Variants in OSBPL1A observed in about 807,000 individuals in gnomAD.
OSBPL1A encodes the protein oxysterol binding protein like 1A.
In OSBPL1A, 80 loss-of-function variants were observed where a neutral mutation model predicts 137.1. The ratio of observed to expected loss-of-function variants is 0.58; its 90% CI spans 0.49 to 0.70. OSBPL1A has a LOEUF of 0.70. OSBPL1A is among the 30% of genes least tolerant of loss of function. The pLI, the probability that OSBPL1A is intolerant of heterozygous loss-of-function variation, is 0.00. For synonymous variants in OSBPL1A, 365 were observed against 389.7 expected, an observed-to-expected ratio of 0.94 and a Z score of 0.75; for missense variants, 970 against 1,129.4, an observed-to-expected ratio of 0.86 and a Z score of 2.02.
rs759089224 is a variant in OSBPL1A at position 24,311,983 on chromosome 18, C to T, written c.1092+1G>A. ...AGGTCAGGTTACATTTTCCTATTTA[C>T]CTCTAATGATTTCTTCAGGTCTGCA... On this transcript the variant is annotated splice_donor_variant, in intron 13 of 27. Coordinates refer to ENST00000319481, the MANE Select transcript of OSBPL1A (RefSeq NM_080597.4). LOFTEE classifies it high-confidence loss of function. 2 of 1,613,962 alleles carry T rather than the reference C, an allele frequency of 1.2e-6. No homozygotes were observed. Among genetic ancestry groups the T allele is most frequent in the African/African-American group, 1.3e-5 (1 of 75,040 alleles).
chr18:24,296,153 A>G (rs1472365446), intron 14 of OSBPL1A, among the ~76,000 whole-genome samples: 1 of 152,106 alleles, frequency 6.6e-6, no homozygotes, highest in Non-Finnish European at 1.5e-5. Flanking sequence ...ATATGTTTCC[A>G]TTTATTTGTG....
rs185192946 is a variant in OSBPL1A, at chr18:24,317,549, G to C, written c.733-149C>G. 939 of 673,964 alleles carry C rather than the reference G, an allele frequency of 1.4e-3. 1 individual carries two copies. Among genetic ancestry groups the C allele is most frequent in the Non-Finnish European group, 2.2e-3 (829 of 379,046 alleles). 41.7% of individuals were successfully genotyped at this position (673,964 alleles called of 1,614,324 possible). On this transcript the variant is annotated intron_variant, in intron 9 of 27. Transcript: ENST00000319481. ...AAAAAAATGATCAAACATGAACTTAGGTACTAAGTGCAGTAATGAAAACAT... is the reference window on the plus strand; with the variant it reads ...AAAAAAATGATCAAACATGAACTTACGTACTAAGTGCAGTAATGAAAACAT...
intron 15 of OSBPL1A, among the ~76,000 whole-genome samples, chr18:24,274,517 G>A (rs141492523): frequency 5.3e-4 from 80 of 152,288 alleles, no homozygotes; most frequent in African/African-American, 1.9e-3. Flanking sequence ...AAGAATGGGT[G>A]ACATCATCCA....
chr18:24,263,544 T>C (rs2089493492), intron 15 of OSBPL1A, among the ~76,000 whole-genome samples: 1 of 152,234 alleles, frequency 6.6e-6, no homozygotes, highest in Non-Finnish European at 1.5e-5. Context: ...CATGTATTTT[T>C]ACTTGGGTCC....
intron 7 of OSBPL1A, among the ~76,000 whole-genome samples, chr18:24,320,146 C>T (rs2146123991): frequency 6.6e-6 from 1 of 152,074 alleles, no homozygotes; most frequent in South Asian, 2.1e-4. Context: ...AAATACCAAA[C>T]ATCTGGTATG....
intron 15 of OSBPL1A, among the ~76,000 whole-genome samples, chr18:24,269,502 C>T (rs1599593134): frequency 6.6e-6 from 1 of 152,206 alleles, no homozygotes; most frequent in Admixed American, 6.5e-5. Flanking sequence ...TTTATGAAGA[C>T]AGACTGGTCT....
intron 15 of OSBPL1A, among the ~76,000 whole-genome samples, chr18:24,240,995 T>C (rs1013166090): frequency 2.6e-5 from 4 of 152,156 alleles, no homozygotes; most frequent in Admixed American, 6.6e-5. Context: ...ATCTGATCTT[T>C]GACAAACCTG....
At chr18:24,178,632 T>C (rs1209213488) in intron 20 of OSBPL1A, among the ~76,000 whole-genome samples, 1 of 152,160 alleles carries the variant, frequency 6.6e-6, no homozygotes, top group Non-Finnish European at 1.5e-5. Flanking sequence ...ACTTCATATA[T>C]GAGAAATTAT....
rs76580752 is a variant in OSBPL1A at position 24,386,172 on chromosome 18, G to T, written c.-2-8637C>A. Among the ~76,000 whole-genome samples, 1,146 of 152,188 alleles carry T rather than the reference G, an allele frequency of 7.5e-3. 16 individuals carry two copies. Among genetic ancestry groups the T allele is most frequent in the African/African-American group, 0.027 (1,109 of 41,520 alleles). On this transcript the variant is annotated intron_variant, in intron 1 of 27. Transcript: ENST00000319481. ...AGGATGGTAGGAGAGAAAAAAAATG[G>T]GTCACGGGGTCAATACAGTCATAGA...
At chr18:24,248,990 T>C (rs953278984) in intron 15 of OSBPL1A, among the ~76,000 whole-genome samples, 3 of 152,246 alleles carry the variant, frequency 2.0e-5, no homozygotes, top group African/African-American at 7.2e-5. Flanking sequence ...ACAAAAGTCG[T>C]GTTCACTCCC....
At chr18:24,252,247 CAA>C in intron 15 of OSBPL1A, among the ~76,000 whole-genome samples, 1 of 152,084 alleles carries the variant, frequency 6.6e-6, no homozygotes, top group East Asian at 1.9e-4. Flanking sequence ...AGATTTAACC[CAA>C]AGAAGACGAC....
chr18:24,230,032 G>A (rs1386224527), intron 16 of OSBPL1A, among the ~76,000 whole-genome samples: 1 of 152,232 alleles, frequency 6.6e-6, no homozygotes, highest in Non-Finnish European at 1.5e-5. Flanking sequence ...TTACAGGCAT[G>A]GGCCACCACG....
At chr18:24,351,310 C>T (rs191977253) in intron 4 of OSBPL1A, among the ~76,000 whole-genome samples, 275 of 125,946 alleles carry the variant, frequency 2.2e-3, no homozygotes, top group Middle Eastern at 0.015. Flanking sequence ...GATCGTGCCA[C>T]TGCATTCCAG....
intron 14 of OSBPL1A, among the ~76,000 whole-genome samples, chr18:24,291,731 A>C (rs1419572960): frequency 6.6e-6 from 1 of 151,258 alleles, no homozygotes; most frequent in Non-Finnish European, 1.5e-5. Context: ...AACAAAGTGA[A>C]AAATCTTTGC....
rs559243449 is a variant in OSBPL1A, at chr18:24,171,121, G to A, written c.2291+288C>T. On this transcript the variant is annotated intron_variant, in intron 23 of 27. Coordinates refer to ENST00000319481, the MANE Select transcript of OSBPL1A (RefSeq NM_080597.4). ...GCGATCTCGGCTCACTGCAACCTCC[G>A]CCTCCCAGGTTCAAGCAATTCTCCT... Among the ~76,000 whole-genome samples, 3 of 150,750 alleles carry A rather than the reference G, an allele frequency of 2.0e-5. No homozygotes were observed. In the East Asian group the frequency reaches 5.8e-4, roughly 29 times the overall value.
rs774431512 is a variant in OSBPL1A at position 24,341,613 on chromosome 18, C to T, written c.328G>A (p.Val110Ile). The part of the protein sequence containing the change: ...LLEYNADTTI[V>I]NGSGQTAKEV... ...TTTGCTGTCTGTCCACTCCCATTAA[C>T]AATAGTAGTATCAGCATTATATTCT... The change falls in exon 5 of 28, where the codon GTT (valine) becomes ATT (isoleucine). Residue 110 changes from valine to isoleucine, a missense_variant. Val to Ile is a conservative substitution (Grantham distance 29, BLOSUM62 3). Coordinates refer to ENST00000319481, the MANE Select transcript of OSBPL1A (RefSeq NM_080597.4). The T allele has an allele frequency of 1.9e-6, 3 of 1,612,804 alleles. No individual in the cohort carries two copies. In the Admixed American group the frequency reaches 5.0e-5, roughly 27 times the overall value.
intron 7 of OSBPL1A, among the ~76,000 whole-genome samples, chr18:24,322,106 CTTTTT>C (rs71266986): frequency 0.28 from 34,572 of 122,552 alleles, 4,866 homozygotes; most frequent in Middle Eastern, 0.36. Flanking sequence ...AAATATGTGA[CTTTTT>C]TTTTTTTTTT....
chr18:24,287,934 G>A (rs1313909976), intron 14 of OSBPL1A, among the ~76,000 whole-genome samples: 1 of 152,204 alleles, frequency 6.6e-6, no homozygotes, highest in Non-Finnish European at 1.5e-5. Context: ...AAAGACAGAA[G>A]CTCACTCTCC....
intron 7 of OSBPL1A, among the ~76,000 whole-genome samples, chr18:24,322,368 G>C (rs1344508982): frequency 6.6e-6 from 1 of 151,610 alleles, no homozygotes; most frequent in African/African-American, 2.4e-5. Flanking sequence ...TGATCTGCCC[G>C]CCTGGGCCTC....
Sources: gnomAD v4.1 joint callset for allele counts (sites outside exome capture counted in the v4.1 genomes callset) on GRCh38, gnomAD v4.1.1 for gene constraint, MANE v1.5 for transcripts, NCBI Gene and HGNC (gene_info 2026-07-23, HGNC 2026-07-21) for gene names.